The following LAMC3 variants were observed in gnomAD, a reference collection of about 807,000 sequenced individuals.
LAMC3 encodes laminin subunit gamma 3.
LAMC3 carries 128 observed loss-of-function variants against 173.8 expected under a neutral mutation model. The ratio of observed to expected loss-of-function variants is 0.74; its 90% CI spans 0.64 to 0.85. The LOEUF (loss-of-function observed/expected upper bound fraction) is 0.85, where lower values mean the gene tolerates loss of function less well. Ranked by LOEUF, LAMC3 falls within the 40% of genes least tolerant of loss-of-function variation. LAMC3 has a pLI of 0.00. For synonymous variants in LAMC3, 897 were observed against 909.1 expected, an observed-to-expected ratio of 0.99 and a Z score of 0.24; for missense variants, 2,022 against 2,156.0, an observed-to-expected ratio of 0.94 and a Z score of 1.23.
chr9:131,072,316 A>G (rs1325506716), intron 18 of LAMC3, among the ~76,000 whole-genome samples: 8 of 152,186 alleles, frequency 5.3e-5, no homozygotes, highest in Non-Finnish European at 1.2e-4. Context: ...AAATGCCCAC[A>G]TGTGAGCCAC....
chr9:131,049,419 C>T (rs761668771), intron 9 of LAMC3, among the ~76,000 whole-genome samples: 1 of 152,098 alleles, frequency 6.6e-6, no homozygotes, highest in Non-Finnish European at 1.5e-5. Context: ...GTTTTTCTCA[C>T]GCCCCATCAC....
intron 11 of LAMC3, among the ~76,000 whole-genome samples, chr9:131,055,842 C>T (rs931999569): frequency 6.6e-6 from 1 of 151,944 alleles, no homozygotes; most frequent in Non-Finnish European, 1.5e-5. Context: ...ATTTCTGTGT[C>T]AATTAGCTTC....
chr9:131,043,302 C>T (rs968352035), intron 7 of LAMC3, among the ~76,000 whole-genome samples: 2 of 152,332 alleles, frequency 1.3e-5, no homozygotes, highest in Admixed American at 1.3e-4. Context: ...GGGTTTAGCT[C>T]CTTGGGTACA....
At position 131,009,400 on chromosome 9, in the gene LAMC3, TC is replaced by T; in HGVS notation, c.190del (p.His64ThrfsTer61). On this transcript the variant is annotated frameshift_variant, in exon 1 of 28. Transcript: ENST00000361069. LOFTEE classifies it high-confidence loss of function. This position sits in a 1 kb window ranked among gnomAD's most constrained non-coding sequence, Gnocchi z 4.3. ...TCGSPPEDFC[P>X]HVGAAGAGAH... Reference sequence around the variant, plus strand: ...GCGGCAGCCCGCCCGAGGACTTCTGTCCCCACGTGGGCGCCGCGGGCGCGGG... The same window carrying T: ...GCGGCAGCCCGCCCGAGGACTTCTGTCCCACGTGGGCGCCGCGGGCGCGGG... 6.5e-7 allele frequency: 1 copy of T among 1,538,696 alleles called. No individual in the cohort carries two copies. The highest frequency in any genetic ancestry group is 8.7e-7 in the Non-Finnish European group (1 of 1,144,830).
intron 13 of LAMC3, among the ~76,000 whole-genome samples, chr9:131,062,657 T>C (rs1829853539): frequency 6.6e-6 from 1 of 152,030 alleles, no homozygotes; most frequent in Admixed American, 6.6e-5. Context: ...TCACCTGCGG[T>C]CCGGAGTCTG....
chr9:131,045,215 C>G (rs1352537380), intron 7 of LAMC3, among the ~76,000 whole-genome samples: 8 of 78,954 alleles, frequency 1.0e-4, no homozygotes, highest in Non-Finnish European at 5.6e-5. Flanking sequence ...GAACAAGACT[C>G]TGTCTCAAAA....
At position 131,065,605 on chromosome 9, in the gene LAMC3, T is replaced by C. The variant is rs552899701; in HGVS notation, c.2348-1355T>C. On this transcript the variant is annotated intron_variant, in intron 13 of 27. Transcript: ENST00000361069. ...AAGATAATGATCAAAATGATGACAA[T>C]GAGGTGATGATAAAGATAAGGTGAC... Among the ~76,000 whole-genome samples, 23 of 152,032 alleles carry C rather than the reference T, an allele frequency of 1.5e-4. No homozygotes were observed. In the South Asian group the frequency reaches 4.6e-3, roughly 30 times the overall value.
At chr9:131,060,501 A>G (rs1484970826) in intron 12 of LAMC3, among the ~76,000 whole-genome samples, 1 of 151,990 alleles carries the variant, frequency 6.6e-6, no homozygotes, top group Non-Finnish European at 1.5e-5. Context: ...AAAATTAGAC[A>G]GGTGTGGTGA....
intron 1 of LAMC3, among the ~76,000 whole-genome samples, chr9:131,012,060 C>CACAT (rs1382067804): frequency 7.4e-6 from 1 of 135,862 alleles, no homozygotes; most frequent in Non-Finnish European, 1.6e-5. Flanking sequence ...CACACACACA[C>CACAT]ATACACACAC....
intron 23 of LAMC3, among the ~76,000 whole-genome samples, chr9:131,081,077 C>T (rs1036919417): frequency 2.0e-5 from 3 of 152,178 alleles, no homozygotes; most frequent in Non-Finnish European, 4.4e-5. Flanking sequence ...TTCCGAGGCC[C>T]GGGCAGCCTC....
intron 17 of LAMC3, 60 bp from the exon 18 acceptor site, chr9:131,071,424 T>G: frequency 5.0e-6 from 8 of 1,591,380 alleles, no homozygotes; most frequent in South Asian, 1.1e-5. Context: ...CCAGCGGGAG[T>G]GTCTGGGCAG....
In LAMC3 at chr9:131,091,624, CG is replaced by C; in HGVS notation, c.4569del (p.Ser1524ProfsTer69). 1 of 1,597,754 alleles carries C rather than the reference CG, an allele frequency of 6.3e-7. No homozygotes were observed. The highest frequency in any genetic ancestry group is 1.1e-5 in the South Asian group (1 of 88,574). On this transcript the variant is annotated frameshift_variant, in exon 28 of 28. Coordinates refer to ENST00000361069, the MANE Select transcript of LAMC3 (RefSeq NM_006059.4). LOFTEE classifies it high-confidence loss of function. ...LERLRLQLGS[P>X]GSLQRKLSLL... ...CGCCTGAGGCTGCAGCTGGGCTCCC[CG>C]GGGTCCTTGCAGAGGAAACTCAGTC... is the stretch of plus-strand genomic sequence containing the variant.
chr9:131,063,112 T>C (rs924953270), intron 13 of LAMC3, among the ~76,000 whole-genome samples: 5 of 152,238 alleles, frequency 3.3e-5, no homozygotes, highest in Non-Finnish European at 7.3e-5. Flanking sequence ...ATTTGTCAAA[T>C]GCCATGTGCT....
chr9:131,046,908 C>T (rs1287064128), intron 8 of LAMC3, among the ~76,000 whole-genome samples: 1 of 152,100 alleles, frequency 6.6e-6, no homozygotes, highest in African/African-American at 2.4e-5. Context: ...GGCCGCGCGC[C>T]CTCTGCTGGA....
In LAMC3 at chr9:131,091,709, C is replaced by T. The variant is rs1010233553; in HGVS notation, c.4650C>T (p.Leu1550=). ...ELQIQGFESD[L]AEIRADKQNL... The stretch of plus-strand genomic sequence containing the variant: ...AGATCCAGGGCTTCGAGAGTGACCT[C>T]GCCGAGATCCGCGCCGACAAACAGA... Residue 1550 remains leucine (L), a synonymous_variant, in exon 28 of 28, where the codon CTC becomes CTT. Transcript: ENST00000361069. The T allele has an allele frequency of 4.3e-6, 7 of 1,612,036 alleles. No individual in the cohort carries two copies. The highest frequency in any genetic ancestry group is 3.3e-5 in the Admixed American group (2 of 59,800).
rs1834361007 is a variant in LAMC3, at chr9:131,054,508, CTT to C, written c.1939+1545_1939+1546del. On this transcript the variant is annotated intron_variant, in intron 11 of 27. Transcript: ENST00000361069. ...GTGGCTCACGCCTGTAATCCCAGCT[CTT>C]TGGGAGGCTGAGGCGGGCGGATCAC... 2.0e-5 allele frequency among the ~76,000 whole-genome samples: 3 copies of C among 152,204 alleles called. No individual in the cohort carries two copies. The South Asian group carries it at 6.2e-4, about 32-fold the overall frequency.
chr9:131,075,802 G>T (rs755395070), intron 20 of LAMC3, 29 bp from the exon 21 acceptor site: 4 of 1,600,216 alleles, frequency 2.5e-6, no homozygotes, highest in Non-Finnish European at 3.4e-6. Flanking sequence ...CGAGCCCTTG[G>T]TAATGCTCAG....
At chr9:131,018,106 A>G (rs909592661) in intron 1 of LAMC3, among the ~76,000 whole-genome samples, 4 of 152,078 alleles carry the variant, frequency 2.6e-5, no homozygotes, top group Non-Finnish European at 5.9e-5. Context: ...AAAGGCAACA[A>G]AAAGGTTGGG....
intron 14 of LAMC3, 112 bp downstream of exon 14, chr9:131,067,317 C>T (rs1829957859): frequency 9.1e-6 from 12 of 1,314,264 alleles, no homozygotes; most frequent in Non-Finnish European, 1.3e-5. Flanking sequence ...CAGCTGGCTC[C>T]TCTGCAAGGC....
Sources: allele counts gnomAD v4.1 joint callset (sites outside exome capture counted in the v4.1 genomes callset), GRCh38; gene constraint gnomAD v4.1.1; non-coding constraint Gnocchi (gnomAD v3.1); transcripts MANE v1.5; gene names NCBI Gene and HGNC (gene_info 2026-07-23, HGNC 2026-07-21).